CACNB2: variants seen among roughly 807,000 people sequenced by gnomAD.
The protein encoded by CACNB2 is voltage-dependent L-type calcium channel subunit beta-2.
A neutral mutation model predicts 73.3 loss-of-function variants in CACNB2; 42 were observed. The ratio of observed to expected loss-of-function variants is 0.57; its 90% CI spans 0.45 to 0.74. CACNB2 has a LOEUF of 0.74. CACNB2 is among the 30% of genes least tolerant of loss of function. The pLI is 0.00. For missense variants in CACNB2, 940 were observed against 853.0 expected (o/e 1.10, Z -1.27); for synonymous variants, 348 against 310.3 (o/e 1.12, Z -1.28).
chr10:18,317,504 T>G (rs2040237292), intron 2 of CACNB2, among the ~76,000 whole-genome samples: 1 of 152,212 alleles, frequency 6.6e-6, no homozygotes, highest in African/African-American at 2.4e-5. Flanking sequence ...TCTGTTACTG[T>G]ATTAATTTGC....
chr10:18,310,016 C>T lies in CACNB2; in HGVS notation c.214-91908C>T, dbSNP rs569462552. Among the ~76,000 whole-genome samples the T allele has an allele frequency of 2.4e-4, 37 of 152,096 alleles. 1 individual carries two copies. The South Asian group carries it at 7.3e-3, about 30-fold the overall frequency. Reference sequence around the variant, plus strand: ...CATCAGAGGACTTAATTTATATATCCAACTAAAAATGATGGCAGTGCTGCT... The same window carrying T: ...CATCAGAGGACTTAATTTATATATCTAACTAAAAATGATGGCAGTGCTGCT... On this transcript the variant is annotated intron_variant, in intron 2 of 13. Transcript: ENST00000324631.
rs981638583 is a variant in CACNB2, at chr10:18,226,641, T to C, written c.213+75666T>C. Among the ~76,000 whole-genome samples the C allele has an allele frequency of 7.9e-5, 12 of 152,334 alleles. No homozygotes were observed. In the South Asian group the frequency reaches 2.5e-3, roughly 32 times the overall value. On this transcript the variant is annotated intron_variant, in intron 2 of 13. Transcript: ENST00000324631. ...GAGCGTGTGGCCGTATGATCACTAA[T>C]GAATTAACTCAATCAATATCAATTG...
intron 2 of CACNB2, among the ~76,000 whole-genome samples, chr10:18,288,676 T>TACACACACAC (rs372916856): frequency 0.037 from 5,363 of 144,374 alleles, 233 homozygotes; most frequent in African/African-American, 0.11. Context: ...ATGAGATTTA[T>TACACACACAC]ACACACACAC....
intron 3 of CACNB2, among the ~76,000 whole-genome samples, chr10:18,418,357 T>A (rs2045120142): frequency 6.6e-6 from 1 of 152,236 alleles, no homozygotes. Context: ...GGAAAATGAA[T>A]CGCACAATCC....
intron 2 of CACNB2, among the ~76,000 whole-genome samples, chr10:18,184,730 C>A (rs548623024): frequency 7.6e-6 from 1 of 132,070 alleles, no homozygotes; most frequent in South Asian, 2.6e-4. Context: ...CAATTCAATT[C>A]AATTTTAAGT....
Position 18,540,217 on chromosome 10 carries a change from C to G in CACNB2, c.*493C>G. 1 of 180,716 alleles carries G rather than the reference C, an allele frequency of 5.5e-6. No individual in the cohort carries two copies. The highest frequency in any genetic ancestry group is 1.2e-4 in the South Asian group (1 of 8,444). The allele number at this position is 180,716 out of a possible 1,614,324, so 11.2% of individuals were successfully genotyped here. A position where few individuals can be genotyped will look rare whatever the true frequency, so the allele number is the denominator to read the frequency against. ...AATTTGGGGACAGATTCAGTCTTGC[C>G]TTACACAAAGGGGATCATAAAGTTA... On this transcript the variant is annotated 3_prime_UTR_variant, in exon 14 of 14. Coordinates refer to ENST00000324631, the MANE Select transcript of CACNB2 (RefSeq NM_201596.3).
intron 2 of CACNB2, among the ~76,000 whole-genome samples, chr10:18,174,699 G>A (rs569494726): frequency 2.0e-5 from 3 of 152,012 alleles, no homozygotes; most frequent in African/African-American, 4.8e-5. Flanking sequence ...CCACCATGCC[G>A]GGCCAAGACA....
chr10:18,274,856 G>C (rs2038210444), intron 2 of CACNB2, among the ~76,000 whole-genome samples: 1 of 152,120 alleles, frequency 6.6e-6, no homozygotes, highest in Admixed American at 6.5e-5. Context: ...ATCAGGGCTG[G>C]AGGGTCCTTT....
chr10:18,496,521 G>T (rs993115920), intron 3 of CACNB2, among the ~76,000 whole-genome samples: 1 of 152,078 alleles, frequency 6.6e-6, no homozygotes, highest in East Asian at 1.9e-4. Context: ...TTTTTTTAAA[G>T]AATAGGTTAA....
intron 3 of CACNB2, among the ~76,000 whole-genome samples, chr10:18,439,909 C>T (rs1056612666): frequency 2.0e-5 from 3 of 152,128 alleles, no homozygotes; most frequent in Non-Finnish European, 2.9e-5. Flanking sequence ...GAGAAATAGG[C>T]CACATGCAAA....
rs2054129834 is a variant in CACNB2 at position 18,542,953 on chromosome 10, T to A, written c.*3229T>A. The A allele has an allele frequency of 6.6e-6, 1 of 151,260 alleles. No homozygotes were observed. Among genetic ancestry groups the A allele is most frequent in the African/African-American group, 2.4e-5 (1 of 41,140 alleles). The allele number at this position is 151,260 out of a possible 1,614,324, so 9.4% of individuals were successfully genotyped here. On this transcript the variant is annotated 3_prime_UTR_variant, in exon 14 of 14. Coordinates refer to ENST00000324631, the MANE Select transcript of CACNB2 (RefSeq NM_201596.3). ...GCTCTTTCTCTACTGCTCATTTAAGTTACTGTTACAAAAAGGTGCTGCTAA... is the reference window on the plus strand; with the variant it reads ...GCTCTTTCTCTACTGCTCATTTAAGATACTGTTACAAAAAGGTGCTGCTAA...
chr10:18,177,909 G>A (rs938985672), intron 2 of CACNB2, among the ~76,000 whole-genome samples: 4 of 152,184 alleles, frequency 2.6e-5, no homozygotes, highest in African/African-American at 9.7e-5. Flanking sequence ...TGAGTTTGGG[G>A]TGCCAAGATT....
rs113902780 is a variant in CACNB2, at chr10:18,365,189, G to A, written c.214-36735G>A. On this transcript the variant is annotated intron_variant, in intron 2 of 13. Transcript: ENST00000324631. Reference sequence around the variant, plus strand: ...CTCATTTTTTGCTAACCACTGTATTGTGTTTCCTGCCCCTGAGTTTGGTTA... The same window carrying A: ...CTCATTTTTTGCTAACCACTGTATTATGTTTCCTGCCCCTGAGTTTGGTTA... Among the ~76,000 whole-genome samples, 896 of 152,180 alleles carry A rather than the reference G, an allele frequency of 5.9e-3. 10 individuals carry two copies. The highest frequency in any genetic ancestry group is 0.02 in the African/African-American group (834 of 41,528).
chr10:18,448,907 C>T lies in CACNB2; in HGVS notation c.333+46864C>T, dbSNP rs544515953. Among the ~76,000 whole-genome samples, 129 of 152,270 alleles carry T rather than the reference C, an allele frequency of 8.5e-4. 3 individuals are homozygous for T. Among genetic ancestry groups the T allele is most frequent in the Non-Finnish European group, 5.9e-5 (4 of 68,014 alleles). ...TATGTCCTAGAGTCTAGAAAGTTGT[C>T]ACTGTAGATTGTGAAGTTGTGACAG... On this transcript the variant is annotated intron_variant, in intron 3 of 13. Coordinates refer to ENST00000324631, the MANE Select transcript of CACNB2 (RefSeq NM_201596.3).
At chr10:18,511,944 C>T (rs953962751) in intron 6 of CACNB2, among the ~76,000 whole-genome samples, 1 of 152,110 alleles carries the variant, frequency 6.6e-6, no homozygotes, top group Non-Finnish European at 1.5e-5. Flanking sequence ...GAACAAGTCC[C>T]TTAAATTTTG....
intron 3 of CACNB2, among the ~76,000 whole-genome samples, chr10:18,450,626 C>CTTTTTTTTTTT (rs34566433): frequency 7.6e-6 from 1 of 130,948 alleles, no homozygotes; most frequent in Admixed American, 7.8e-5. Flanking sequence ...GCTTTTTTTT[C>CTTTTTTTTTTT]TTTTTTTTTT....
At chr10:18,525,351 G>A (rs1297572873) in intron 9 of CACNB2, among the ~76,000 whole-genome samples, 1 of 151,922 alleles carries the variant, frequency 6.6e-6, no homozygotes, top group Non-Finnish European at 1.5e-5. Context: ...GTATATACAT[G>A]TTTTTTTCAA....
At chr10:18,279,570 G>T (rs1190877164) in intron 2 of CACNB2, among the ~76,000 whole-genome samples, 1 of 152,190 alleles carries the variant, frequency 6.6e-6, no homozygotes. Context: ...ATACTAAAAT[G>T]ATAAATATAG....
chr10:18,236,589 G>T (rs191737334), intron 2 of CACNB2, among the ~76,000 whole-genome samples: 4 of 152,310 alleles, frequency 2.6e-5, no homozygotes, highest in African/African-American at 9.6e-5. Flanking sequence ...AGTGGAGAAA[G>T]AGAATGAAAC....
Sources: gnomAD v4.1 joint callset for allele counts (sites outside exome capture counted in the v4.1 genomes callset) on GRCh38, gnomAD v4.1.1 for gene constraint, MANE v1.5 for transcripts, NCBI Gene and HGNC (gene_info 2026-07-23, HGNC 2026-07-21) for gene names.